NTRK3: variants seen among roughly 807,000 people sequenced by gnomAD.
NTRK3 encodes the protein NT-3 growth factor receptor.
A neutral mutation model predicts 91.7 loss-of-function variants in NTRK3; 24 were observed. The ratio of observed to expected loss-of-function variants is 0.26; its 90% CI spans 0.19 to 0.37. The LOEUF (loss-of-function observed/expected upper bound fraction) is 0.37. Among genes scored for constraint, NTRK3 ranks in the 10% least tolerant of loss-of-function variants. NTRK3 has a pLI of 1.00. For missense variants in NTRK3, 880 were observed against 1,068.9 expected (o/e 0.82, Z 2.46); for synonymous variants, 483 against 404.0 (o/e 1.20, Z -2.34).
exon 19 of NTRK3, chr15:87,860,976 T>A: frequency 4.4e-6 from 1 of 224,842 alleles, no homozygotes; most frequent in Non-Finnish European, 8.9e-6. Context: ...TAAACTTTCC[T>A]TAATTCAAGC....
intron 6 of NTRK3, among the ~76,000 whole-genome samples, chr15:88,141,261 A>ATTTTAT: frequency 2.0e-5 from 3 of 152,326 alleles, no homozygotes; most frequent in Non-Finnish European, 4.4e-5. Context: ...AAATGAGACG[A>ATTTTAT]ACATAATAGA....
In NTRK3 at chr15:87,860,067, C is replaced by T. The variant is rs2196303; in HGVS notation, c.*16868G>A. ...AAAACCAAGAAAAGAGTTCGCCTTCCTGTAGTGATTAACCATTTGAAAGTG... is the reference window on the plus strand; with the variant it reads ...AAAACCAAGAAAAGAGTTCGCCTTCTTGTAGTGATTAACCATTTGAAAGTG... On this transcript the variant is annotated 3_prime_UTR_variant, in exon 19 of 19. Coordinates refer to ENST00000394480, the Ensembl canonical transcript of NTRK3. The T allele has an allele frequency of 7.2e-3, 1,509 of 209,032 alleles. 8 individuals carry two copies. The highest frequency in any genetic ancestry group is 1.0e-2 in the Non-Finnish European group (1,023 of 102,640). 12.9% of individuals were successfully genotyped at this position (209,032 alleles called of 1,614,324 possible). A position where few individuals can be genotyped will look rare whatever the true frequency, so the allele number is the denominator to read the frequency against.
intron 14 of NTRK3, among the ~76,000 whole-genome samples, chr15:87,982,108 T>C (rs2074333647): frequency 6.6e-6 from 1 of 152,206 alleles, no homozygotes; most frequent in South Asian, 2.1e-4. Context: ...TCTCTGCCAA[T>C]GTCCCCGAAG....
intron 13 of NTRK3, among the ~76,000 whole-genome samples, chr15:88,050,058 G>A (rs1054493832): frequency 5.3e-5 from 8 of 152,104 alleles, no homozygotes; most frequent in African/African-American, 1.9e-4. Flanking sequence ...TTTGTTGAAG[G>A]CACAGGCATT....
chr15:88,176,085 C>G (rs76038901), intron 5 of NTRK3, among the ~76,000 whole-genome samples: 1 of 151,328 alleles, frequency 6.6e-6, no homozygotes, highest in Admixed American at 6.6e-5. Context: ...TATATTTGTA[C>G]GTTCCAATAA....
At chr15:88,163,687 A>C (rs561755626) in intron 5 of NTRK3, among the ~76,000 whole-genome samples, 4 of 152,238 alleles carry the variant, frequency 2.6e-5, no homozygotes, top group African/African-American at 9.6e-5. Context: ...AGAAGGAGGC[A>C]GGACCTTCAT....
intron 17 of NTRK3, among the ~76,000 whole-genome samples, chr15:87,919,113 C>T (rs1460977248): frequency 1.0e-5 from 1 of 99,934 alleles, no homozygotes; most frequent in Non-Finnish European, 1.9e-5. Context: ...GATGAAAAGC[C>T]TCACACAGTG....
At position 88,231,834 on chromosome 15, in the gene NTRK3, G is replaced by C. The variant is rs2051211289; in HGVS notation, c.248+24072C>G. 2.6e-5 allele frequency among the ~76,000 whole-genome samples: 4 copies of C among 152,270 alleles called. No individual in the cohort carries two copies. In the South Asian group the frequency reaches 8.3e-4, roughly 32 times the overall value. ...AAAGGAAATCCATCAGAGTAGGGGGGATTTTTTCCTGGTTGCTGGAACTGA... is the reference window on the plus strand; with the variant it reads ...AAAGGAAATCCATCAGAGTAGGGGGCATTTTTTCCTGGTTGCTGGAACTGA... On this transcript the variant is annotated intron_variant, in intron 3 of 18. Transcript: ENST00000394480.
intron 17 of NTRK3, among the ~76,000 whole-genome samples, chr15:87,889,970 A>ATTTT (rs1298872530): frequency 6.7e-6 from 1 of 149,956 alleles, no homozygotes; most frequent in East Asian, 1.9e-4. Flanking sequence ...TTATTTATTT[A>ATTTT]TTTATTTATT....
chr15:87,956,416 G>T (rs1211672892), intron 14 of NTRK3, among the ~76,000 whole-genome samples: 2 of 152,198 alleles, frequency 1.3e-5, no homozygotes, highest in African/African-American at 4.8e-5. Flanking sequence ...TGAGATTACA[G>T]GCACGTGCCA....
chr15:88,039,883 A>G (rs1328226193), intron 13 of NTRK3, among the ~76,000 whole-genome samples: 1 of 152,214 alleles, frequency 6.6e-6, no homozygotes, highest in Non-Finnish European at 1.5e-5. Flanking sequence ...TTGGCTAGCA[A>G]CTTAGAACTT....
At chr15:87,971,300 T>C (rs369979859) in intron 14 of NTRK3, among the ~76,000 whole-genome samples, 263 of 152,204 alleles carry the variant, frequency 1.7e-3, no homozygotes, top group Middle Eastern at 3.4e-3. Context: ...TGGTCGCCGG[T>C]TGGGGGCAAC....
rs549751022 is a variant in NTRK3 at position 88,190,983 on chromosome 15, T to C, written c.249-6684A>G. On this transcript the variant is annotated intron_variant, in intron 3 of 18. Transcript: ENST00000394480. ...GCACATGCATACAGATAGGCAGATA[T>C]TTGCCCTTGTTTTCATATGACTTTG... Among the ~76,000 whole-genome samples, 73 of 152,338 alleles carry C rather than the reference T, an allele frequency of 4.8e-4. 1 individual carries two copies. The South Asian group carries it at 0.014, about 29-fold the overall frequency.
intron 3 of NTRK3, among the ~76,000 whole-genome samples, chr15:88,251,752 C>T (rs889597175): frequency 2.6e-5 from 4 of 152,250 alleles, no homozygotes; most frequent in Non-Finnish European, 4.4e-5. Flanking sequence ...CTCCCTTTCT[C>T]ACAGCAGCAC....
chr15:87,915,631 C>T (rs919279206), intron 17 of NTRK3, among the ~76,000 whole-genome samples: 1 of 152,108 alleles, frequency 6.6e-6, no homozygotes, highest in Non-Finnish European at 1.5e-5. Flanking sequence ...CTTCTCCTCT[C>T]TAAATTTAGT....
chr15:88,239,326 C>A (rs1240116384), intron 3 of NTRK3, among the ~76,000 whole-genome samples: 3 of 151,314 alleles, frequency 2.0e-5, no homozygotes, highest in African/African-American at 7.4e-5. Flanking sequence ...AGAGGCAGGA[C>A]TCCAAAGAGG....
At chr15:87,861,751 C>T (rs1377727795) in exon 19 of NTRK3, 2 of 194,948 alleles carry the variant, frequency 1.0e-5, no homozygotes, top group Admixed American at 6.1e-5. Flanking sequence ...TAGACGCGCC[C>T]TTGAAAATTT....
intron 3 of NTRK3, among the ~76,000 whole-genome samples, chr15:88,220,503 A>C (rs973006127): frequency 1.3e-5 from 2 of 152,202 alleles, no homozygotes; most frequent in African/African-American, 4.8e-5. Context: ...AAGTCACTTA[A>C]ATTTGGAAGC....
At chr15:88,000,012 C>T (rs1472135423) in intron 14 of NTRK3, among the ~76,000 whole-genome samples, 1 of 152,120 alleles carries the variant, frequency 6.6e-6, no homozygotes, top group Non-Finnish European at 1.5e-5. Flanking sequence ...TATCAGACTT[C>T]TTAATGCTAT....
Sources: gnomAD v4.1 joint callset for allele counts (sites outside exome capture counted in the v4.1 genomes callset) on GRCh38, gnomAD v4.1.1 for gene constraint, MANE v1.5 for transcripts, NCBI Gene and HGNC (gene_info 2026-07-23, HGNC 2026-07-21) for gene names.